The following PTPRO variants were observed in gnomAD, a reference collection of about 807,000 sequenced individuals.
PTPRO encodes the protein protein tyrosine phosphatase receptor type O, also known as receptor-type tyrosine-protein phosphatase O.
PTPRO carries 62 observed loss-of-function variants against 145.2 expected under a neutral mutation model. That is an observed-to-expected ratio of 0.43 (90% CI 0.35 to 0.53). The LOEUF is 0.53. Ranked by LOEUF, PTPRO falls within the 20% of genes least tolerant of loss-of-function variation. The pLI, the probability that PTPRO is intolerant of heterozygous loss-of-function variation, is 0.01. For missense variants in PTPRO, 1,345 were observed against 1,482.7 expected, an observed-to-expected ratio of 0.91 and a Z score of 1.53; for synonymous variants, 565 against 514.7, an observed-to-expected ratio of 1.10 and a Z score of -1.32.
At chr12:15,413,073 G>A (rs188813786) in intron 1 of PTPRO, among the ~76,000 whole-genome samples, 291 of 152,220 alleles carry the variant, frequency 1.9e-3, no homozygotes, top group African/African-American at 6.7e-3. Context: ...GATCACAGGC[G>A]TGAGCCACCA....
chr12:15,451,263 C>G (rs376098741), intron 1 of PTPRO, among the ~76,000 whole-genome samples: 1 of 152,018 alleles, frequency 6.6e-6, no homozygotes, highest in South Asian at 2.1e-4. Context: ...TGATAAAAGG[C>G]CTTGTTCCAC....
At chr12:15,354,430 G>A (rs1427395488) in intron 1 of PTPRO, among the ~76,000 whole-genome samples, 1 of 152,132 alleles carries the variant, frequency 6.6e-6, no homozygotes, top group African/African-American at 2.4e-5. Flanking sequence ...AAACTAGATT[G>A]TATTTATACA....
intron 24 of PTPRO, among the ~76,000 whole-genome samples, chr12:15,588,886 G>T (rs183215177): frequency 6.6e-6 from 1 of 152,152 alleles, no homozygotes; most frequent in South Asian, 2.1e-4. Context: ...AAAGGGTGTG[G>T]CCAATGCAGT....
intron 1 of PTPRO, among the ~76,000 whole-genome samples, chr12:15,412,727 A>G (rs1308782376): frequency 6.6e-6 from 1 of 152,184 alleles, no homozygotes; most frequent in Non-Finnish European, 1.5e-5. Flanking sequence ...TATAAAACAC[A>G]TTTAGTATTT....
At chr12:15,407,675 C>A (rs538681562) in intron 1 of PTPRO, among the ~76,000 whole-genome samples, 3 of 152,232 alleles carry the variant, frequency 2.0e-5, no homozygotes, top group South Asian at 2.1e-4. Context: ...TCTAAAATAA[C>A]CCAAAACATT....
chr12:15,486,629 T>C (rs1409851707), intron 2 of PTPRO, among the ~76,000 whole-genome samples: 1 of 152,104 alleles, frequency 6.6e-6, no homozygotes, highest in African/African-American at 2.4e-5. Context: ...TTTAATATCA[T>C]GGTTTACTTA....
intron 5 of PTPRO, among the ~76,000 whole-genome samples, chr12:15,502,735 C>T (rs182389256): frequency 6.6e-6 from 1 of 152,252 alleles, no homozygotes; most frequent in East Asian, 1.9e-4. Flanking sequence ...TGACTTTCAA[C>T]AAGTTTGGGT....
chr12:15,586,312 A>C (rs1944428312), intron 23 of PTPRO, among the ~76,000 whole-genome samples: 1 of 152,246 alleles, frequency 6.6e-6, no homozygotes, highest in Non-Finnish European at 1.5e-5. Flanking sequence ...TGGATCCCAC[A>C]GAGAGTGCTG....
At chr12:15,526,301 T>C in intron 12 of PTPRO, 39 bp downstream of exon 12, 2 of 1,610,936 alleles carry the variant, frequency 1.2e-6, no homozygotes, top group Non-Finnish European at 1.7e-6. Flanking sequence ...AAATAATCAC[T>C]AATGTTTGCA....
At chr12:15,549,001 C>T in intron 13 of PTPRO, 93 bp from the exon 14 acceptor site, 1 of 1,352,572 alleles carries the variant, frequency 7.4e-7, no homozygotes, top group Non-Finnish European at 1.1e-6. Flanking sequence ...ATTTTTTACT[C>T]TGTCAATCTA....
intron 1 of PTPRO, among the ~76,000 whole-genome samples, chr12:15,407,564 A>G (rs1192136462): frequency 2.0e-5 from 3 of 152,052 alleles, no homozygotes; most frequent in Non-Finnish European, 2.9e-5. Context: ...CAGAACAACT[A>G]GAGAATAAAA....
At chr12:15,532,834 A>G (rs1305450740) in intron 12 of PTPRO, among the ~76,000 whole-genome samples, 1 of 152,164 alleles carries the variant, frequency 6.6e-6, no homozygotes, top group Non-Finnish European at 1.5e-5. Flanking sequence ...TTACTTGAAG[A>G]TTGAGCTCAT....
chr12:15,458,641 AT>A (rs1229904146), intron 1 of PTPRO, among the ~76,000 whole-genome samples: 1 of 149,162 alleles, frequency 6.7e-6, no homozygotes, highest in Admixed American at 6.7e-5. Flanking sequence ...CCTCTAGTGA[AT>A]TTTTTTAGTT....
chr12:15,513,157 A>AGGAAG (rs1306298356), intron 7 of PTPRO, among the ~76,000 whole-genome samples: 1 of 30,828 alleles, frequency 3.2e-5, no homozygotes, highest in African/African-American at 1.4e-4. Context: ...GAAAGAAAGA[A>AGGAAG]AAAGAAAGAA....
intron 11 of PTPRO, among the ~76,000 whole-genome samples, chr12:15,525,175 A>G (rs1942812002): frequency 1.3e-5 from 2 of 152,228 alleles, no homozygotes; most frequent in Non-Finnish European, 2.9e-5. Flanking sequence ...TAAGAGCTCC[A>G]ACTATTGATT....
At chr12:15,425,297 T>C (rs998927663) in intron 1 of PTPRO, among the ~76,000 whole-genome samples, 1 of 152,182 alleles carries the variant, frequency 6.6e-6, no homozygotes, top group African/African-American at 2.4e-5. Flanking sequence ...TGTTAACACA[T>C]TTAATCTTCA....
chr12:15,462,378 G>A (rs934936651), intron 1 of PTPRO, among the ~76,000 whole-genome samples: 19 of 151,766 alleles, frequency 1.3e-4, no homozygotes, highest in Admixed American at 9.2e-4. Flanking sequence ...CACCCGCCTC[G>A]GCCTCCCAAA....
chr12:15,544,762 G>A (rs886614496), intron 12 of PTPRO, among the ~76,000 whole-genome samples: 1 of 152,124 alleles, frequency 6.6e-6, no homozygotes, highest in Admixed American at 6.6e-5. Context: ...AATCCTATTA[G>A]CAAAGGCAGT....
At chr12:15,560,683 C>T (rs1481035144) in intron 17 of PTPRO, among the ~76,000 whole-genome samples, 1 of 152,038 alleles carries the variant, frequency 6.6e-6, no homozygotes, top group Non-Finnish European at 1.5e-5. Flanking sequence ...TCTGAGGCCT[C>T]CTTGTTTTTA....
Sources: allele counts gnomAD v4.1 joint callset (sites outside exome capture counted in the v4.1 genomes callset), GRCh38; gene constraint gnomAD v4.1.1; transcripts MANE v1.5; gene names NCBI Gene and HGNC (gene_info 2026-07-23, HGNC 2026-07-21).